CCDC30: variants seen among roughly 807,000 people sequenced by gnomAD.
CCDC30 encodes the protein coiled-coil domain containing 30, also known as coiled-coil domain-containing protein 30.
CCDC30 carries 70 observed loss-of-function variants against 100.2 expected under a neutral mutation model. That is an observed-to-expected ratio of 0.70 (90% CI 0.58 to 0.85). The LOEUF (loss-of-function observed/expected upper bound fraction) is 0.85, where lower values mean the gene tolerates loss of function less well. CCDC30 is among the 40% of genes least tolerant of loss of function. CCDC30 has a pLI of 0.00. For missense variants in CCDC30, 652 were observed against 771.2 expected (o/e 0.85, Z 1.83); for synonymous variants, 233 against 269.5 (o/e 0.86, Z 1.33).
chr1:42,631,380 C>T (rs183079032), intron 11 of CCDC30, among the ~76,000 whole-genome samples: 27 of 152,290 alleles, frequency 1.8e-4, no homozygotes, highest in Non-Finnish European at 2.8e-4. Flanking sequence ...GGTGGCATGA[C>T]ACAAGCACCC....
intron 1 of CCDC30, among the ~76,000 whole-genome samples, chr1:42,470,327 C>T (rs996032544): frequency 2.6e-4 from 40 of 151,264 alleles, no homozygotes; most frequent in Admixed American, 9.2e-4. Flanking sequence ...TAAGTGTTGA[C>T]AAGGATGTGA....
intron 7 of CCDC30, among the ~76,000 whole-genome samples, chr1:42,573,176 GAC>G (rs1645768746): frequency 6.6e-6 from 1 of 152,102 alleles, no homozygotes; most frequent in Non-Finnish European, 1.5e-5. Context: ...CATGAATATT[GAC>G]ACACAATCTT....
At chr1:42,632,702 GT>G (rs1300379388) in intron 11 of CCDC30, among the ~76,000 whole-genome samples, 1 of 151,694 alleles carries the variant, frequency 6.6e-6, no homozygotes, top group Non-Finnish European at 1.5e-5. Flanking sequence ...GGAGGTTGCA[GT>G]GAGCCGAGAT....
chr1:42,603,747 C>T (rs1261045775), intron 10 of CCDC30, among the ~76,000 whole-genome samples: 2 of 152,124 alleles, frequency 1.3e-5, no homozygotes, highest in Non-Finnish European at 2.9e-5. Flanking sequence ...TGTACTCTTA[C>T]CATATGATCC....
At chr1:42,456,784 C>T in the CCDC30 span, 17 of 1,612,942 alleles carry the variant, frequency 1.1e-5, no homozygotes, top group Admixed American at 1.2e-4. Context: ...CCGAGGCCTT[C>T]CTAGCCGCCG....
In CCDC30 at chr1:42,584,403, C is replaced by T. The variant is rs150151863; in HGVS notation, c.1001+2889C>T. 5.2e-3 allele frequency among the ~76,000 whole-genome samples: 797 copies of T among 152,228 alleles called. 5 individuals are homozygous for T. Among genetic ancestry groups the T allele is most frequent in the Admixed American group, 8.7e-3 (133 of 15,290 alleles). On this transcript the variant is annotated intron_variant, in intron 9 of 16. Transcript: ENST00000668663. Reference sequence around the variant, plus strand: ...GTCAGAAGTTTGAGACCAGCCTGGCCAACATAGTGAAATCCCATCTTTACT... The same window carrying T: ...GTCAGAAGTTTGAGACCAGCCTGGCTAACATAGTGAAATCCCATCTTTACT...
chr1:42,577,247 T>G lies in CCDC30; in HGVS notation c.846+18T>G, dbSNP rs778649557. 5.3e-6 allele frequency: 8 copies of G among 1,518,694 alleles called. No individual in the cohort carries two copies. In the East Asian group the frequency reaches 1.8e-4, roughly 34 times the overall value. The allele number at this position is 1,518,694 out of a possible 1,614,324, so 94.1% of individuals were successfully genotyped here. ...AGGAAAAGGTAATTATCCTCATGCT[T>G]AATAAACAGCATACACTGAATACCA... On this transcript the variant is annotated intron_variant, in intron 8 of 16. Coordinates refer to ENST00000668663, the Ensembl canonical transcript of CCDC30.
At chr1:42,482,061 A>G (rs1205191664) in intron 2 of CCDC30, among the ~76,000 whole-genome samples, 1 of 152,032 alleles carries the variant, frequency 6.6e-6, no homozygotes, top group African/African-American at 2.4e-5. Context: ...TACTAAAGAT[A>G]CAAAAAATGA....
chr1:42,536,493 A>T, intron 6 of CCDC30: 1 of 1,607,782 alleles, frequency 6.2e-7, no homozygotes, highest in Non-Finnish European at 8.5e-7. Context: ...AAATGAGCCA[A>T]GAAAAAAATG....
intron 11 of CCDC30, among the ~76,000 whole-genome samples, chr1:42,635,780 C>A (rs1647141830): frequency 6.7e-6 from 1 of 150,374 alleles, no homozygotes; most frequent in Admixed American, 6.6e-5. Context: ...TGCACTCCAG[C>A]CTGGGCAACA....
chr1:42,573,832 A>T (rs929487514), intron 7 of CCDC30, among the ~76,000 whole-genome samples: 1 of 152,138 alleles, frequency 6.6e-6, no homozygotes, highest in Non-Finnish European at 1.5e-5. Flanking sequence ...TGACAAATAC[A>T]TGTTGAATTT....
chr1:42,589,241 C>T, intron 9 of CCDC30, 80 bp from the exon 14 acceptor site: 1 of 1,191,410 alleles, frequency 8.4e-7, no homozygotes, highest in Non-Finnish European at 1.2e-6. Flanking sequence ...AAAAAAATCC[C>T]TTGTGATGCC....
chr1:42,610,698 T>C (rs1302867551), intron 10 of CCDC30, among the ~76,000 whole-genome samples: 2 of 152,152 alleles, frequency 1.3e-5, no homozygotes, highest in Non-Finnish European at 2.9e-5. Context: ...GTCCTGGGAT[T>C]ATGGGTGTGA....
chr1:42,606,006 A>T (rs1389878650), intron 10 of CCDC30, among the ~76,000 whole-genome samples: 1 of 152,198 alleles, frequency 6.6e-6, no homozygotes, highest in Admixed American at 6.5e-5. Flanking sequence ...GCTTAGAAAC[A>T]TTGAAAAAGT....
At chr1:42,599,801 G>A (rs1277238177) in intron 10 of CCDC30, among the ~76,000 whole-genome samples, 1 of 152,220 alleles carries the variant, frequency 6.6e-6, no homozygotes, top group Non-Finnish European at 1.5e-5. Flanking sequence ...TAAGGGAAGT[G>A]TATTAGTCTG....
intron 6 of CCDC30, chr1:42,558,248 C>T: frequency 5.5e-6 from 1 of 180,298 alleles, no homozygotes; most frequent in Non-Finnish European, 1.2e-5. Flanking sequence ...AACTGGGGTG[C>T]ATCTCTTGTA....
At chr1:42,578,797 G>T (rs971071022) in intron 8 of CCDC30, among the ~76,000 whole-genome samples, 1 of 152,090 alleles carries the variant, frequency 6.6e-6, no homozygotes, top group African/African-American at 2.4e-5. Flanking sequence ...CCGAATAACA[G>T]AAAACTAGAA....
At chr1:42,579,578 G>A (rs1645917157) in intron 8 of CCDC30, among the ~76,000 whole-genome samples, 1 of 151,994 alleles carries the variant, frequency 6.6e-6, no homozygotes, top group African/African-American at 2.4e-5. Flanking sequence ...AGGTTGCAGT[G>A]AGCTGAGATC....
At chr1:42,503,406 T>G (rs1358059635) in intron 6 of CCDC30, among the ~76,000 whole-genome samples, 5 of 152,154 alleles carry the variant, frequency 3.3e-5, no homozygotes, top group African/African-American at 9.7e-5. Context: ...TAGGCAAGCT[T>G]GAGGAGGCAG....
Sources: allele counts gnomAD v4.1 joint callset (sites outside exome capture counted in the v4.1 genomes callset), GRCh38; gene constraint gnomAD v4.1.1; transcripts MANE v1.5; gene names NCBI Gene and HGNC (gene_info 2026-07-23, HGNC 2026-07-21).